The following CACNA1E variants were observed in gnomAD, a reference collection of about 807,000 sequenced individuals.
CACNA1E encodes voltage-dependent R-type calcium channel subunit alpha-1E.
Under a neutral mutation model 259.2 loss-of-function variants are expected in CACNA1E, and 40 were observed. The ratio of observed to expected loss-of-function variants is 0.15; its 90% CI spans 0.12 to 0.20. The LOEUF is 0.20. Ranked by LOEUF, CACNA1E falls within the 10% of genes least tolerant of loss-of-function variation. The pLI is 1.00. For synonymous variants in CACNA1E, 1,104 were observed against 1,138.5 expected (o/e 0.97, Z 0.61); for missense variants, 1,874 against 3,040.1 (o/e 0.62, Z 9.02).
intron 6 of CACNA1E, among the ~76,000 whole-genome samples, chr1:181,627,457 A>AG (rs1656304553): frequency 6.6e-6 from 1 of 152,130 alleles, no homozygotes; most frequent in Non-Finnish European, 1.5e-5. Context: ...CCTCCTTAGG[A>AG]GTGGGGGGAG....
At chr1:181,702,159 A>C (rs1652330983) in intron 7 of CACNA1E, among the ~76,000 whole-genome samples, 1 of 151,998 alleles carries the variant, frequency 6.6e-6, no homozygotes, top group Non-Finnish European at 1.5e-5. Context: ...CCTCTTCCCA[A>C]ACCTGCTCCA....
intron 7 of CACNA1E, among the ~76,000 whole-genome samples, chr1:181,699,445 C>T (rs1473662988): frequency 2.6e-5 from 4 of 152,130 alleles, no homozygotes; most frequent in East Asian, 1.9e-4. Context: ...TCCCATCCCA[C>T]GCCAGTGGTC....
At chr1:181,642,003 C>A (rs183235932) in intron 6 of CACNA1E, among the ~76,000 whole-genome samples, 257 of 152,064 alleles carry the variant, frequency 1.7e-3, no homozygotes, top group African/African-American at 6.1e-3. Context: ...TGAGCCACCG[C>A]GCCTGGCCTG....
chr1:181,788,987 C>T (rs1172143211), intron 43 of CACNA1E, among the ~76,000 whole-genome samples: 1 of 152,196 alleles, frequency 6.6e-6, no homozygotes. Context: ...GCCTCAGCCT[C>T]CTGTGCAGCT....
At chr1:181,587,127 T>C (rs937533325) in intron 6 of CACNA1E, among the ~76,000 whole-genome samples, 1 of 152,156 alleles carries the variant, frequency 6.6e-6, no homozygotes, top group Non-Finnish European at 1.5e-5. Flanking sequence ...CGTGGGTAGA[T>C]GTGGTGTTGG....
chr1:181,603,479 G>A (rs1311753804), intron 6 of CACNA1E, among the ~76,000 whole-genome samples: 3 of 152,136 alleles, frequency 2.0e-5, no homozygotes, highest in Non-Finnish European at 4.4e-5. Flanking sequence ...CTAGCTGTGT[G>A]TGGAAACGGA....
At chr1:181,785,606 C>A in intron 42 of CACNA1E, 107 bp from the exon 43 acceptor site, 1 of 929,670 alleles carries the variant, frequency 1.1e-6, no homozygotes, top group Non-Finnish European at 1.8e-6. Flanking sequence ...AATGGTCAAA[C>A]AAGGGATAAG....
Position 181,675,346 on chromosome 1 carries a change from CAG to C in CACNA1E, c.1055+23906_1055+23907del, listed in dbSNP as rs542752868. 2.0e-5 allele frequency among the ~76,000 whole-genome samples: 3 copies of C among 152,286 alleles called. No individual in the cohort carries two copies. In the East Asian group the frequency reaches 5.8e-4, roughly 29 times the overall value. On this transcript the variant is annotated intron_variant, in intron 7 of 47. Coordinates refer to ENST00000367573, the MANE Select transcript of CACNA1E (RefSeq NM_001205293.3). The stretch of plus-strand genomic sequence containing the variant: ...GAATATTAATTGGAGACAGTGGGAA[CAG>C]GGGTAATTTCACGTACCCAGTAGGG...
At chr1:181,696,399 T>C (rs1226106462) in intron 7 of CACNA1E, among the ~76,000 whole-genome samples, 1 of 152,226 alleles carries the variant, frequency 6.6e-6, no homozygotes, top group Non-Finnish European at 1.5e-5. Flanking sequence ...CTGCAAAATA[T>C]AACATTTTTC....
At chr1:181,513,361 G>T (rs1325544761) in intron 3 of CACNA1E, among the ~76,000 whole-genome samples, 1 of 152,146 alleles carries the variant, frequency 6.6e-6, no homozygotes, top group Non-Finnish European at 1.5e-5. Flanking sequence ...ACATGTTATT[G>T]CATATTTTGG....
In CACNA1E at chr1:181,411,113, C is replaced by T. The variant is rs189394982; in HGVS notation, c.-14-2020C>T. On this transcript the variant is annotated intron_variant, in intron 1 of 11. Coordinates refer to the CACNA1E transcript ENST00000524607. Reference sequence around the variant, plus strand: ...GGTTGGGAGGAATTCTGGTTTTGGGCTCCTGGCTAGGAGGGAGGCAATAAG... The same window carrying T: ...GGTTGGGAGGAATTCTGGTTTTGGGTTCCTGGCTAGGAGGGAGGCAATAAG... Among the ~76,000 whole-genome samples the T allele has an allele frequency of 3.6e-3, 541 of 152,272 alleles. 1 individual carries two copies. Among genetic ancestry groups the T allele is most frequent in the Middle Eastern group, 6.8e-3 (2 of 294 alleles).
chr1:181,630,385 C>CT (rs1656604844), intron 6 of CACNA1E, among the ~76,000 whole-genome samples: 1 of 139,168 alleles, frequency 7.2e-6, no homozygotes, highest in African/African-American at 2.8e-5. Context: ...AATTAACATG[C>CT]CCCCCCACCC....
Position 181,689,788 on chromosome 1 carries a change from G to A in CACNA1E, c.1056-21166G>A, listed in dbSNP as rs1650955523. Among the ~76,000 whole-genome samples the A allele has an allele frequency of 2.6e-5, 4 of 152,228 alleles. No homozygotes were observed. The South Asian group carries it at 8.3e-4, about 32-fold the overall frequency. The stretch of plus-strand genomic sequence containing the variant: ...ATATAAATGTCTTCTTTTGAGAAGT[G>A]TCTGTTCATATCCTTTGGTCATTTT... On this transcript the variant is annotated intron_variant, in intron 7 of 47. Coordinates refer to ENST00000367573, the MANE Select transcript of CACNA1E (RefSeq NM_001205293.3).
chr1:181,762,569 G>T lies in CACNA1E; in HGVS notation c.4606-5G>T, dbSNP rs768674643. 3 of 1,565,566 alleles carry T rather than the reference G, an allele frequency of 1.9e-6. No individual in the cohort carries two copies. Among genetic ancestry groups the T allele is most frequent in the Non-Finnish European group, 2.6e-6 (3 of 1,139,406 alleles). On this transcript the variant is annotated splice_polypyrimidine_tract_variant and splice_region_variant and intron_variant, in intron 32 of 47. Transcript: ENST00000367573. ...GATGTTCCTATGACTGAATTCATTTGGCAGAACTATTTCCGAGACACCTGG... is the reference window on the plus strand; with the variant it reads ...GATGTTCCTATGACTGAATTCATTTTGCAGAACTATTTCCGAGACACCTGG...
At chr1:181,648,594 A>ATTTC (rs1338856517) in intron 6 of CACNA1E, among the ~76,000 whole-genome samples, 6 of 152,164 alleles carry the variant, frequency 3.9e-5, no homozygotes, top group Non-Finnish European at 8.8e-5. Flanking sequence ...TGTTTCCCAA[A>ATTTC]TTTCTTTGGT....
intron 35 of CACNA1E, among the ~76,000 whole-genome samples, chr1:181,769,608 A>AAAT (rs1572850411): frequency 3.6e-5 from 3 of 84,350 alleles, no homozygotes; most frequent in South Asian, 4.6e-4. Context: ...GATTCAAAAT[A>AAAT]AATAGTTTTG....
chr1:181,752,331 G>T, intron 27 of CACNA1E, 92 bp downstream of exon 27: 1 of 910,120 alleles, frequency 1.1e-6, no homozygotes, highest in East Asian at 2.4e-5. Flanking sequence ...ATTTGTTCTG[G>T]GAATATTCCT....
At chr1:181,619,972 C>T (rs1655581305) in intron 6 of CACNA1E, among the ~76,000 whole-genome samples, 1 of 151,818 alleles carries the variant, frequency 6.6e-6, no homozygotes, top group African/African-American at 2.4e-5. Context: ...CTTTTGTAGG[C>T]AGGTAGAAAA....
chr1:181,790,224 C>A (rs542768474), intron 43 of CACNA1E, among the ~76,000 whole-genome samples: 47 of 150,722 alleles, frequency 3.1e-4, no homozygotes, highest in African/African-American at 7.6e-4. Flanking sequence ...TAGCCCCCGG[C>A]AGAATAATGA....
Sources: gnomAD v4.1 joint callset for allele counts (sites outside exome capture counted in the v4.1 genomes callset) on GRCh38, gnomAD v4.1.1 for gene constraint, MANE v1.5 for transcripts, NCBI Gene and HGNC (gene_info 2026-07-23, HGNC 2026-07-21) for gene names.